Variants in ASIC2 observed in about 807,000 individuals in gnomAD.
ASIC2 encodes the protein acid-sensing ion channel 2.
Under a neutral mutation model 57.3 loss-of-function variants are expected in ASIC2, and 25 were observed. That is an observed-to-expected ratio of 0.44 (90% confidence interval 0.32 to 0.61). The LOEUF is 0.61. ASIC2 is among the 20% of genes least tolerant of loss of function. The pLI, the probability that ASIC2 is intolerant of heterozygous loss-of-function variation, is 0.06. For synonymous variants in ASIC2, 319 were observed against 307.5 expected (o/e 1.04, Z -0.39); for missense variants, 641 against 738.1 (o/e 0.87, Z 1.52).
chr17:33,357,795 T>A (rs1013739004), intron 1 of ASIC2, among the ~76,000 whole-genome samples: 11 of 152,318 alleles, frequency 7.2e-5, no homozygotes, highest in African/African-American at 2.6e-4. Flanking sequence ...TAAACTTCCA[T>A]TATGCTAAGC....
At chr17:33,108,621 C>T (rs67679919) in intron 2 of ASIC2, among the ~76,000 whole-genome samples, 38,933 of 152,112 alleles carry the variant, frequency 0.26, 5,297 homozygotes, top group Non-Finnish European at 0.3. Context: ...GCATGGGACT[C>T]ACCTCCCACT....
chr17:33,069,810 T>C (rs901652113), intron 3 of ASIC2, among the ~76,000 whole-genome samples: 1 of 152,192 alleles, frequency 6.6e-6, no homozygotes, highest in Non-Finnish European at 1.5e-5. Flanking sequence ...ATTCCTTAAA[T>C]TGTTGTGGTT....
chr17:34,150,853 A>G (rs1201605888), intron 1 of ASIC2, among the ~76,000 whole-genome samples: 6 of 152,096 alleles, frequency 3.9e-5, no homozygotes, highest in East Asian at 1.9e-4. Context: ...GGTGGCTCAC[A>G]CCTGTAATCC....
chr17:33,614,805 A>G (rs993828028), intron 1 of ASIC2, among the ~76,000 whole-genome samples: 2 of 152,244 alleles, frequency 1.3e-5, no homozygotes, highest in Non-Finnish European at 2.9e-5. Context: ...GGAGTATAAC[A>G]GAGTGGTTAA....
chr17:33,216,550 C>G (rs1907495982), intron 1 of ASIC2, among the ~76,000 whole-genome samples: 1 of 152,132 alleles, frequency 6.6e-6, no homozygotes, highest in South Asian at 2.1e-4. Context: ...CTGATCCAAG[C>G]AGGGTTTGCA....
chr17:34,129,083 G>A lies in ASIC2; in HGVS notation c.555+26895C>T, dbSNP rs139836704. 3.9e-5 allele frequency among the ~76,000 whole-genome samples: 6 copies of A among 152,226 alleles called. No individual in the cohort carries two copies. In the South Asian group the frequency reaches 8.3e-4, roughly 21 times the overall value. ...CCTGACCCCCTACCCTCGAGAGCACGGGCTCATGAACTATGAGAATAAAAA... is the reference window on the plus strand; with the variant it reads ...CCTGACCCCCTACCCTCGAGAGCACAGGCTCATGAACTATGAGAATAAAAA... On this transcript the variant is annotated intron_variant, in intron 1 of 9. Transcript: ENST00000359872.
At chr17:33,472,439 C>T in intron 1 of ASIC2, among the ~76,000 whole-genome samples, 1 of 152,214 alleles carries the variant, frequency 6.6e-6, no homozygotes, top group East Asian at 1.9e-4. Flanking sequence ...ATGGCACCAT[C>T]TTACAGGGGA....
chr17:33,029,308 C>T (rs372053322), intron 3 of ASIC2, among the ~76,000 whole-genome samples: 6 of 152,308 alleles, frequency 3.9e-5, no homozygotes, highest in African/African-American at 1.2e-4. Flanking sequence ...TGGGTAATCA[C>T]GGTTATGAAT....
At chr17:33,954,519 T>C (rs1904674778) in intron 1 of ASIC2, among the ~76,000 whole-genome samples, 1 of 152,172 alleles carries the variant, frequency 6.6e-6, no homozygotes, top group Non-Finnish European at 1.5e-5. Context: ...ACGTCTCTGT[T>C]AAAGCAAAAC....
intron 1 of ASIC2, among the ~76,000 whole-genome samples, chr17:33,418,961 G>A (rs1910954006): frequency 6.6e-6 from 1 of 151,810 alleles, no homozygotes; most frequent in South Asian, 2.1e-4. Context: ...CAGGGGTGGG[G>A]GGCTGGGGGA....
rs191125029 is a variant in ASIC2, at chr17:34,123,635, C to A, written c.555+32343G>T. 3.1e-3 allele frequency among the ~76,000 whole-genome samples: 478 copies of A among 152,336 alleles called. 3 individuals carry two copies. Among genetic ancestry groups the A allele is most frequent in the African/African-American group, 0.011 (463 of 41,588 alleles). On this transcript the variant is annotated intron_variant, in intron 1 of 9. Transcript: ENST00000359872. ...GATAGTCTAGGTCCAAATCCAGCAG[C>A]TGTCACTTACAACCTGAGTGGTCTT...
intron 1 of ASIC2, among the ~76,000 whole-genome samples, chr17:33,451,011 A>G (rs1912227272): frequency 6.6e-6 from 1 of 151,698 alleles, no homozygotes; most frequent in Non-Finnish European, 1.5e-5. Flanking sequence ...ATATTTTTGT[A>G]TTTTGGAAAA....
chr17:33,175,955 G>A lies in ASIC2; in HGVS notation c.709-63888C>T, dbSNP rs562043358. Among the ~76,000 whole-genome samples, 27 of 152,240 alleles carry A rather than the reference G, an allele frequency of 1.8e-4. 1 individual carries two copies. Among genetic ancestry groups the A allele is most frequent in the African/African-American group, 6.5e-4 (27 of 41,550 alleles). ...AGCCTAATCTGGACATCCCTCTACA[G>A]TCCAGTGCCTGCTTTTGTCTCTGTG... On this transcript the variant is annotated intron_variant, in intron 1 of 9. Coordinates refer to ENST00000225823, the MANE Select transcript of ASIC2 (RefSeq NM_183377.2).
intron 1 of ASIC2, among the ~76,000 whole-genome samples, chr17:33,766,198 T>C (rs1356733415): frequency 1.3e-5 from 2 of 152,222 alleles, no homozygotes; most frequent in Non-Finnish European, 2.9e-5. Flanking sequence ...TATATTGTTA[T>C]AGTTGTTCTG....
chr17:33,930,197 G>A (rs1881833402), intron 1 of ASIC2, among the ~76,000 whole-genome samples: 1 of 152,196 alleles, frequency 6.6e-6, no homozygotes. Flanking sequence ...CAGGGAAAAC[G>A]GGACTCTATC....
chr17:33,887,952 T>A (rs1166594816), intron 1 of ASIC2, among the ~76,000 whole-genome samples: 1 of 152,178 alleles, frequency 6.6e-6, no homozygotes, highest in Admixed American at 6.5e-5. Flanking sequence ...TCCTTACAAC[T>A]TAGGATGGGG....
At chr17:33,120,701 T>A (rs1476052902) in intron 1 of ASIC2, among the ~76,000 whole-genome samples, 1 of 152,194 alleles carries the variant, frequency 6.6e-6, no homozygotes, top group Non-Finnish European at 1.5e-5. Context: ...TTGACAGGCA[T>A]TTCTGGGTTT....
At chr17:33,837,758 G>A (rs1182846576) in intron 1 of ASIC2, among the ~76,000 whole-genome samples, 1 of 152,126 alleles carries the variant, frequency 6.6e-6, no homozygotes, top group African/African-American at 2.4e-5. Context: ...GACTCACCCT[G>A]TTTAACTACA....
intron 1 of ASIC2, among the ~76,000 whole-genome samples, chr17:33,581,850 G>A (rs996571068): frequency 2.0e-5 from 3 of 152,214 alleles, no homozygotes; most frequent in South Asian, 4.1e-4. Context: ...ACTCTGGAGC[G>A]GGGAGGTGGG....
Sources: allele counts gnomAD v4.1 joint callset (sites outside exome capture counted in the v4.1 genomes callset), GRCh38; gene constraint gnomAD v4.1.1; transcripts MANE v1.5; gene names NCBI Gene and HGNC (gene_info 2026-07-23, HGNC 2026-07-21).